The following MYO9B variants were observed in gnomAD, a reference collection of about 807,000 sequenced individuals.
The protein encoded by MYO9B is myosin IXB.
Under a neutral mutation model 229.5 loss-of-function variants are expected in MYO9B, and 71 were observed. That is an observed-to-expected ratio of 0.31 (90% confidence interval 0.26 to 0.38). MYO9B has a LOEUF of 0.38. Among genes scored for constraint, MYO9B ranks in the 10% least tolerant of loss-of-function variants. The probability of loss-of-function intolerance (pLI) is 1.00; values close to 1 mark genes in which losing one functional copy is unlikely to be tolerated. For synonymous variants in MYO9B, 1,185 were observed against 1,235.8 expected (o/e 0.96, Z 0.86); for missense variants, 2,255 against 2,920.5 (o/e 0.77, Z 5.25).
chr19:17,083,096 T>A (rs1452676067), intron 1 of MYO9B, among the ~76,000 whole-genome samples: 1 of 141,730 alleles, frequency 7.1e-6, no homozygotes, highest in East Asian at 2.1e-4. Context: ...AGAGGCATGA[T>A]CTTGGCTCAC....
At chr19:17,210,577 C>T (rs536591721) in intron 37 of MYO9B, 138 bp from the exon 38 acceptor site, 1 of 1,284,228 alleles carries the variant, frequency 7.8e-7, no homozygotes, top group Non-Finnish European at 1.0e-6. Context: ...CACTCTGTCC[C>T]ATGGGATTCC....
intron 1 of MYO9B, among the ~76,000 whole-genome samples, chr19:17,100,272 C>T (rs896352178): frequency 3.9e-5 from 6 of 151,978 alleles, no homozygotes; most frequent in African/African-American, 1.5e-4. Flanking sequence ...GAGTTTGAGA[C>T]CAGCCTGGCC....
rs1211771602 is a variant in MYO9B, at chr19:17,157,042, C to T, written c.1329+4C>T. The T allele has an allele frequency of 6.2e-7, 1 of 1,612,582 alleles. No homozygotes were observed. The highest frequency in any genetic ancestry group is 8.5e-7 in the Non-Finnish European group (1 of 1,179,370). ...CACCCTGTCGCAGCTTCTGAAGGTA[C>T]TGATTGCCACCTCTGTCCCTTCTCA... is the stretch of plus-strand genomic sequence containing the variant. On this transcript the variant is annotated splice_donor_region_variant and intron_variant, in intron 7 of 39. Transcript: ENST00000682292.
chr19:17,139,140 G>A (rs576279817), intron 2 of MYO9B, among the ~76,000 whole-genome samples: 1 of 152,288 alleles, frequency 6.6e-6, no homozygotes, highest in South Asian at 2.1e-4. Context: ...TTATGCCACT[G>A]CACTCCAGCC....
At chr19:17,108,100 C>T (rs1027958432) in intron 2 of MYO9B, among the ~76,000 whole-genome samples, 3 of 152,214 alleles carry the variant, frequency 2.0e-5, no homozygotes, top group Non-Finnish European at 4.4e-5. Flanking sequence ...CTCCAGCCTC[C>T]ACGCCTGCAC....
Position 17,205,381 on chromosome 19 carries a change from A to G in MYO9B, c.5064+45A>G, listed in dbSNP as rs1438361025. On this transcript the variant is annotated intron_variant, in intron 31 of 39. Coordinates refer to ENST00000682292, the MANE Select transcript of MYO9B (RefSeq NM_004145.4). ...AACTTTCTACAATGACACTCCACTC[A>G]CGGCCAGGTGCACCAGGAGGTGGTG... 24 of 1,569,702 alleles carry G rather than the reference A, an allele frequency of 1.5e-5. No individual in the cohort carries two copies. In the South Asian group the frequency reaches 2.7e-4, roughly 17 times the overall value.
chr19:17,166,768 C>G (rs1183795230), intron 10 of MYO9B, among the ~76,000 whole-genome samples: 2 of 152,132 alleles, frequency 1.3e-5, no homozygotes, highest in Non-Finnish European at 2.9e-5. Context: ...GTTTTCTGTT[C>G]CTGCATTAGT....
At chr19:17,184,813 G>A (rs1287052916) in intron 16 of MYO9B, 52 bp from the exon 17 acceptor site, 9 of 1,609,080 alleles carry the variant, frequency 5.6e-6, no homozygotes, top group Middle Eastern at 1.7e-4. Context: ...ATGCCTCCCC[G>A]TGCCCGTGTG....
At chr19:17,205,481 C>A in intron 31 of MYO9B, 145 bp downstream of exon 31, 1 of 732,132 alleles carries the variant, frequency 1.4e-6, no homozygotes, top group South Asian at 1.7e-5. Flanking sequence ...GCAGAACACA[C>A]CATTGTCCCC....
chr19:17,151,130 T>C (rs1369578146), intron 3 of MYO9B, among the ~76,000 whole-genome samples: 1 of 151,792 alleles, frequency 6.6e-6, no homozygotes, highest in Non-Finnish European at 1.5e-5. Context: ...AATACAAAAA[T>C]TAACTGGGCG....
At chr19:17,149,809 C>A (rs1434379399) in intron 3 of MYO9B, among the ~76,000 whole-genome samples, 3 of 152,066 alleles carry the variant, frequency 2.0e-5, no homozygotes, top group African/African-American at 7.2e-5. Flanking sequence ...TTTTTTAGGC[C>A]CAGGCCTTGA....
chr19:17,146,634 A>G (rs1264548937), intron 3 of MYO9B, among the ~76,000 whole-genome samples: 1 of 152,162 alleles, frequency 6.6e-6, no homozygotes, highest in Non-Finnish European at 1.5e-5. Flanking sequence ...GGATGAGTAG[A>G]TTCATGGGTA....
chr19:17,160,149 C>G (rs959451386), intron 8 of MYO9B, among the ~76,000 whole-genome samples: 2 of 152,168 alleles, frequency 1.3e-5, no homozygotes, highest in Non-Finnish European at 2.9e-5. Flanking sequence ...AGGAAAGTAC[C>G]TAATCACGGC....
intron 30 of MYO9B, among the ~76,000 whole-genome samples, chr19:17,203,904 G>A (rs1051660542): frequency 7.9e-5 from 12 of 152,190 alleles, no homozygotes; most frequent in African/African-American, 2.9e-4. Flanking sequence ...GCCAGACTCA[G>A]CCCCAGGGGA....
rs767577779 is a variant in MYO9B, at chr19:17,197,868, A to C, written c.4113+10A>C. On this transcript the variant is annotated intron_variant, in intron 23 of 39. Transcript: ENST00000682292. ...CCTGGCCAAGGCTCAGGTAACAACAACACGGCAAAACCCCGTCTCCACTAA... is the reference window on the plus strand; with the variant it reads ...CCTGGCCAAGGCTCAGGTAACAACACCACGGCAAAACCCCGTCTCCACTAA... The C allele has an allele frequency of 1.9e-6, 3 of 1,612,510 alleles. 1 individual carries two copies. Among genetic ancestry groups the C allele is most frequent in the Middle Eastern group, 3.8e-4 (2 of 5,252 alleles).
At chr19:17,082,188 C>T (rs375891604) in intron 1 of MYO9B, among the ~76,000 whole-genome samples, 6 of 152,154 alleles carry the variant, frequency 3.9e-5, no homozygotes, top group African/African-American at 9.7e-5. Context: ...AAATAGCCCT[C>T]GCCTCTGTTC....
chr19:17,159,301 C>T (rs2072572401), intron 7 of MYO9B, 94 bp from the exon 8 acceptor site: 2 of 1,206,232 alleles, frequency 1.7e-6, no homozygotes, highest in Admixed American at 4.1e-5. Flanking sequence ...TCCCAGCTGC[C>T]TCAGGCTCCG....
chr19:17,210,839 A>G lies in MYO9B; in HGVS notation c.5921A>G (p.Lys1974Arg), dbSNP rs2073219294. 2 of 1,599,060 alleles carry G rather than the reference A, an allele frequency of 1.3e-6. No individual in the cohort carries two copies. The highest frequency in any genetic ancestry group is 2.3e-5 in the South Asian group (2 of 88,204). ...EILIERIQSIKEEKEDITYRL... is the reference protein window; with the variant it reads ...EILIERIQSIREEKEDITYRL... ...CTCATTGAACGGATCCAGTCCATCA[A>G]GGAGGAGAAGCAAGTGGCTCAGTCC... is the stretch of plus-strand genomic sequence containing the variant. The change falls in exon 38 of 40, where the codon AAG (lysine) becomes AGG (arginine). Residue 1974 changes from lysine (K) to arginine (R), a missense_variant. Transcript: ENST00000682292.
intron 37 of MYO9B, 41 bp downstream of exon 37, chr19:17,210,421 G>A (rs1265854803): frequency 1.3e-6 from 2 of 1,546,810 alleles, no homozygotes; most frequent in Admixed American, 2.0e-5. Context: ...ATGTCTCCCG[G>A]TGCAGTGCAT....
Sources: gnomAD v4.1 joint callset for allele counts (sites outside exome capture counted in the v4.1 genomes callset) on GRCh38, gnomAD v4.1.1 for gene constraint, MANE v1.5 for transcripts, NCBI Gene and HGNC (gene_info 2026-07-23, HGNC 2026-07-21) for gene names.